The following LUC7L2 variants were observed in gnomAD, a reference collection of about 807,000 sequenced individuals.
LUC7L2 encodes the protein putative RNA-binding protein Luc7-like 2.
Under a neutral mutation model 52.8 loss-of-function variants are expected in LUC7L2, and 25 were observed. The ratio of observed to expected loss-of-function variants is 0.47; its 90% CI spans 0.34 to 0.66. The LOEUF (loss-of-function observed/expected upper bound fraction) is 0.66. Among genes scored for constraint, LUC7L2 ranks in the 30% least tolerant of loss-of-function variants. The pLI is 0.01. For missense variants in LUC7L2, 328 were observed against 497.8 expected, an observed-to-expected ratio of 0.66 and a Z score of 3.25; for synonymous variants, 144 against 160.9, an observed-to-expected ratio of 0.89 and a Z score of 0.80.
intron 1 of LUC7L2, among the ~76,000 whole-genome samples, chr7:139,353,635 A>T (rs1178665373): frequency 6.6e-6 from 1 of 152,164 alleles, no homozygotes; most frequent in African/African-American, 2.4e-5. Flanking sequence ...TCTACTAAAA[A>T]TACAAAAATT....
chr7:139,401,408 G>A (rs751311295), intron 3 of LUC7L2, among the ~76,000 whole-genome samples: 2 of 152,024 alleles, frequency 1.3e-5, no homozygotes, highest in Non-Finnish European at 2.9e-5. Context: ...CATAACATTT[G>A]TAATTTGCTT....
At chr7:139,341,818 G>A (rs1239868149) in intron 1 of LUC7L2, among the ~76,000 whole-genome samples, 2 of 152,222 alleles carry the variant, frequency 1.3e-5, no homozygotes, top group Admixed American at 6.5e-5. Flanking sequence ...TCTGCGGAGG[G>A]CAGTCAGGAA....
intron 2 of LUC7L2, among the ~76,000 whole-genome samples, chr7:139,379,601 G>T (rs71543324): frequency 9.4e-6 from 1 of 106,514 alleles, no homozygotes; most frequent in Non-Finnish European, 1.7e-5. Context: ...ACAGATACTC[G>T]CTCTGTTGGC....
intron 1 of LUC7L2, among the ~76,000 whole-genome samples, chr7:139,349,625 C>A (rs556614471): frequency 1.0e-4 from 15 of 143,188 alleles, no homozygotes; most frequent in East Asian, 2.1e-4. Flanking sequence ...CCCCCCCCCC[C>A]CACCGGATTT....
At chr7:139,353,683 C>T (rs1027577003) in intron 1 of LUC7L2, among the ~76,000 whole-genome samples, 1 of 152,054 alleles carries the variant, frequency 6.6e-6, no homozygotes, top group Non-Finnish European at 1.5e-5. Context: ...GTCCCAGCTA[C>T]TCAGAAGGCC....
At chr7:139,367,112 C>T (rs566051141) in intron 1 of LUC7L2, among the ~76,000 whole-genome samples, 9 of 152,138 alleles carry the variant, frequency 5.9e-5, no homozygotes, top group African/African-American at 2.2e-4. Flanking sequence ...GCTGAGATGA[C>T]AGGCATGCAC....
chr7:139,382,934 CT>C (rs978107145), intron 2 of LUC7L2, among the ~76,000 whole-genome samples: 97 of 145,116 alleles, frequency 6.7e-4, no homozygotes, highest in African/African-American at 6.5e-4. Context: ...GCTGAAGTAT[CT>C]TTTTTTTTTT....
intron 1 of LUC7L2, among the ~76,000 whole-genome samples, chr7:139,364,894 G>A (rs754414481): frequency 1.3e-5 from 2 of 151,850 alleles, no homozygotes; most frequent in Non-Finnish European, 2.9e-5. Flanking sequence ...TCATTTCTTG[G>A]TCAGTTGTGA....
chr7:139,405,360 G>A (rs1795074434), intron 4 of LUC7L2, among the ~76,000 whole-genome samples: 1 of 152,110 alleles, frequency 6.6e-6, no homozygotes, highest in African/African-American at 2.4e-5. Flanking sequence ...AGTACAAAGG[G>A]CCAGATCATG....
At chr7:139,405,213 G>A (rs1033540716) in intron 4 of LUC7L2, among the ~76,000 whole-genome samples, 2 of 152,186 alleles carry the variant, frequency 1.3e-5, no homozygotes, top group African/African-American at 4.8e-5. Flanking sequence ...TATTCAGTAG[G>A]CAGGCGAGAG....
chr7:139,417,548 A>G lies in LUC7L2; in HGVS notation c.820A>G (p.Arg274Gly), dbSNP rs1242160247. The stretch of plus-strand genomic sequence containing the variant: ...AATCTTGTCTGGTAGATCCAGGTCC[A>G]GAGAGCATCGCAGACATCGATCTCG... ...HSKNPKRSRS[R>G]EHRRHRSRSM... Residue 274 changes from arginine to glycine, a missense_variant, in exon 9 of 10, where the codon AGA (arginine) becomes GGA (glycine). Physicochemically the swap from Arg to Gly is moderately radical, Grantham distance 125. This residue lies in a region of LUC7L2 where 195 missense variants were observed against 223.3 expected (regional missense o/e 0.87). Transcript: ENST00000354926. The G allele has an allele frequency of 1.9e-6, 3 of 1,613,842 alleles. No homozygotes were observed. The highest frequency in any genetic ancestry group is 2.5e-6 in the Non-Finnish European group (3 of 1,179,838).
intron 2 of LUC7L2, among the ~76,000 whole-genome samples, chr7:139,382,681 C>T (rs370851709): frequency 8.5e-5 from 13 of 152,146 alleles, no homozygotes; most frequent in African/African-American, 3.1e-4. Flanking sequence ...GAATTTGGCA[C>T]CATGCCCAAC....
chr7:139,349,432 G>A (rs147371685), intron 1 of LUC7L2, among the ~76,000 whole-genome samples: 3 of 152,102 alleles, frequency 2.0e-5, no homozygotes, highest in Non-Finnish European at 2.9e-5. Flanking sequence ...AGCTGAAGTC[G>A]GTGTTAGAAA....
intron 5 of LUC7L2, 125 bp downstream of exon 5, chr7:139,405,912 C>G (rs1048769044): frequency 7.5e-7 from 1 of 1,341,114 alleles, no homozygotes; most frequent in African/African-American, 1.5e-5. Flanking sequence ...AATTATTGAA[C>G]AGTTGTTAAA....
chr7:139,367,532 TAA>T (rs1800225026), intron 1 of LUC7L2, among the ~76,000 whole-genome samples: 1 of 152,228 alleles, frequency 6.6e-6, no homozygotes, highest in African/African-American at 2.4e-5. Context: ...TTGTGATTAA[TAA>T]TTTCCTTACT....
At chr7:139,350,683 T>TC (rs111649701) in intron 1 of LUC7L2, among the ~76,000 whole-genome samples, 41,392 of 147,896 alleles carry the variant, frequency 0.28, 6,292 homozygotes, top group Middle Eastern at 0.4. Flanking sequence ...ACATTCTTCT[T>TC]TTTTTTTTTT....
At chr7:139,348,924 G>C (rs1244216256) in intron 1 of LUC7L2, among the ~76,000 whole-genome samples, 1 of 152,006 alleles carries the variant, frequency 6.6e-6, no homozygotes, top group Non-Finnish European at 1.5e-5. Flanking sequence ...ACTTTGGGAG[G>C]CTGAGGCAGG....
intron 1 of LUC7L2, chr7:139,374,969 T>A: frequency 1.0e-6 from 1 of 986,238 alleles, no homozygotes; most frequent in Non-Finnish European, 1.2e-6. Context: ...ACAGAGGTAT[T>A]TATATCTCTT....
upstream of LUC7L2, chr7:139,359,497 G>A (rs887505943): frequency 2.3e-5 from 5 of 213,388 alleles, no homozygotes; most frequent in Non-Finnish European, 9.2e-6. Context: ...CGTTCGCCCC[G>A]AGCACGCCCA....
Sources: gnomAD v4.1 joint callset for allele counts (sites outside exome capture counted in the v4.1 genomes callset) on GRCh38, gnomAD v4.1.1 for gene constraint, gnomAD v4.1.1 regional missense constraint, MANE v1.5 for transcripts, NCBI Gene and HGNC (gene_info 2026-07-23, HGNC 2026-07-21) for gene names.